Variants in CSMD1 observed in about 807,000 individuals in gnomAD.
CSMD1 encodes CUB and Sushi multiple domains 1.
A neutral mutation model predicts 417.5 loss-of-function variants in CSMD1; 213 were observed. The ratio of observed to expected loss-of-function variants is 0.51; its 90% CI spans 0.46 to 0.57. CSMD1 has a LOEUF of 0.57. Among genes scored for constraint, CSMD1 ranks in the 20% least tolerant of loss-of-function variants. The pLI, the probability that CSMD1 is intolerant of heterozygous loss-of-function variation, is 0.00. For missense variants in CSMD1, 6,923 were observed against 4,529.7 expected, an observed-to-expected ratio of 1.53 and a Z score of -15.17; for synonymous variants, 2,862 against 1,736.8, an observed-to-expected ratio of 1.65 and a Z score of -16.11.
chr8:4,231,047 G>A (rs1286715415), intron 3 of CSMD1, among the ~76,000 whole-genome samples: 1 of 152,014 alleles, frequency 6.6e-6, no homozygotes, highest in Non-Finnish European at 1.5e-5. Flanking sequence ...TGCTACCGTG[G>A]GAAAATTGGG....
intron 2 of CSMD1, among the ~76,000 whole-genome samples, chr8:4,517,663 G>A (rs1435666236): frequency 1.3e-5 from 2 of 152,130 alleles, no homozygotes; most frequent in African/African-American, 4.8e-5. Context: ...CTGAATAAAT[G>A]GGTATGAATA....
chr8:4,370,731 G>C (rs1802346632), intron 3 of CSMD1, among the ~76,000 whole-genome samples: 1 of 152,166 alleles, frequency 6.6e-6, no homozygotes, highest in Admixed American at 6.5e-5. Flanking sequence ...TACAGTTAAT[G>C]TCACCAGTTG....
intron 2 of CSMD1, among the ~76,000 whole-genome samples, chr8:4,461,906 A>G (rs1364653120): frequency 1.3e-5 from 2 of 151,660 alleles, no homozygotes; most frequent in African/African-American, 4.8e-5. Flanking sequence ...ACGCCCGGCT[A>G]ATTTTTCTGT....
intron 2 of CSMD1, among the ~76,000 whole-genome samples, chr8:4,496,543 T>G (rs1801987598): frequency 6.6e-6 from 1 of 152,274 alleles, no homozygotes; most frequent in East Asian, 1.9e-4. Context: ...CTGAATGACC[T>G]CTGTTTTGAA....
chr8:4,332,497 T>G (rs1011195113), intron 3 of CSMD1, among the ~76,000 whole-genome samples: 2 of 151,574 alleles, frequency 1.3e-5, no homozygotes, highest in African/African-American at 4.8e-5. Context: ...ATAGGAGCTC[T>G]TCTTCTGGTT....
chr8:4,139,886 G>A (rs903429818), intron 3 of CSMD1, among the ~76,000 whole-genome samples: 3 of 150,946 alleles, frequency 2.0e-5, no homozygotes, highest in Admixed American at 6.6e-5. Flanking sequence ...TTCATCAGAA[G>A]CAAGGGTGGA....
chr8:3,896,236 C>G (rs553246241), intron 5 of CSMD1, among the ~76,000 whole-genome samples: 1 of 152,224 alleles, frequency 6.6e-6, no homozygotes, highest in Admixed American at 6.5e-5. Flanking sequence ...TTGCTGTCAC[C>G]AAAATTTCTC....
At chr8:3,719,065 C>G (rs1447737046) in intron 6 of CSMD1, among the ~76,000 whole-genome samples, 1 of 152,120 alleles carries the variant, frequency 6.6e-6, no homozygotes, top group Non-Finnish European at 1.5e-5. Flanking sequence ...GAAAACCCTC[C>G]TGAGGTGGAA....
intron 5 of CSMD1, among the ~76,000 whole-genome samples, chr8:3,911,908 T>C (rs771411695): frequency 5.9e-5 from 9 of 152,324 alleles, no homozygotes; most frequent in Non-Finnish European, 7.3e-5. Context: ...CACCATCATT[T>C]TCCAAAGGAT....
intron 10 of CSMD1, among the ~76,000 whole-genome samples, chr8:3,560,051 C>T (rs1799403464): frequency 1.3e-5 from 2 of 151,968 alleles, no homozygotes; most frequent in East Asian, 1.9e-4. Context: ...GAATGAGAGA[C>T]AATTGATTTT....
chr8:3,551,570 A>G (rs4242516), intron 10 of CSMD1, among the ~76,000 whole-genome samples: 65,886 of 144,142 alleles, frequency 0.46, 15,392 homozygotes, highest in East Asian at 0.53. Context: ...TTGTCTTCTA[A>G]TAAATATGTA....
intron 2 of CSMD1, among the ~76,000 whole-genome samples, chr8:4,471,607 A>C (rs1241053924): frequency 6.6e-6 from 1 of 152,136 alleles, no homozygotes; most frequent in Non-Finnish European, 1.5e-5. Flanking sequence ...AAAACAACCC[A>C]GAACATTACA....
chr8:4,803,769 G>C (rs910766295), intron 1 of CSMD1, among the ~76,000 whole-genome samples: 3 of 151,998 alleles, frequency 2.0e-5, no homozygotes, highest in African/African-American at 7.2e-5. Context: ...AACGTTATTG[G>C]TATTTATTTA....
intron 49 of CSMD1, among the ~76,000 whole-genome samples, chr8:3,077,151 A>G (rs905989097): frequency 1.3e-5 from 2 of 152,202 alleles, no homozygotes; most frequent in Non-Finnish European, 2.9e-5. Context: ...GGAGCCTGCC[A>G]AATCAGAATC....
chr8:3,882,130 T>C (rs2129121688), intron 5 of CSMD1, among the ~76,000 whole-genome samples: 1 of 151,412 alleles, frequency 6.6e-6, no homozygotes, highest in South Asian at 2.1e-4. Context: ...TGAGAAAAAA[T>C]CATCACAATT....
chr8:4,971,888 T>C (rs572438230), intron 1 of CSMD1, among the ~76,000 whole-genome samples: 115 of 152,030 alleles, frequency 7.6e-4, no homozygotes, highest in Non-Finnish European at 1.4e-3. Context: ...AGCTCAGAAA[T>C]AGTAGTAGGT....
intron 1 of CSMD1, among the ~76,000 whole-genome samples, chr8:4,929,529 G>C (rs998184973): frequency 2.6e-5 from 4 of 152,114 alleles, no homozygotes; most frequent in African/African-American, 7.2e-5. Flanking sequence ...TATTTCAGAA[G>C]CACTAGGTAA....
chr8:4,195,307 G>A (rs193228517), intron 3 of CSMD1, among the ~76,000 whole-genome samples: 1 of 152,002 alleles, frequency 6.6e-6, no homozygotes, highest in East Asian at 1.9e-4. Flanking sequence ...AATATTAATA[G>A]GCAGAAAAGG....
chr8:4,363,460 A>G (rs921982735), intron 3 of CSMD1, among the ~76,000 whole-genome samples: 2 of 152,220 alleles, frequency 1.3e-5, no homozygotes, highest in Admixed American at 6.5e-5. Flanking sequence ...TTCCAGCTCT[A>G]TCTTCCCCAC....
Sources: gnomAD v4.1 joint callset for allele counts (sites outside exome capture counted in the v4.1 genomes callset) on GRCh38, gnomAD v4.1.1 for gene constraint, MANE v1.5 for transcripts, NCBI Gene and HGNC (gene_info 2026-07-23, HGNC 2026-07-21) for gene names.